The following ERICH5 variants were observed in gnomAD, a reference collection of about 807,000 sequenced individuals.
ERICH5 encodes glutamate rich 5.
ERICH5 carries 24 observed loss-of-function variants against 28.0 expected under a neutral mutation model. The ratio of observed to expected loss-of-function variants is 0.86; its 90% CI spans 0.62 to 1.21. ERICH5 has a LOEUF of 1.21. Ranked by LOEUF, ERICH5 falls within the 50% of genes most tolerant of loss-of-function variation. The pLI is 0.00. For synonymous variants in ERICH5, 163 were observed against 157.6 expected (o/e 1.03, Z -0.25); for missense variants, 421 against 441.2 (o/e 0.95, Z 0.41).
rs145877844 is a variant in ERICH5 at position 98,080,547 on chromosome 8, T to C, written c.59-8529T>C. Among the ~76,000 whole-genome samples the C allele has an allele frequency of 9.5e-3, 1,446 of 152,294 alleles. 21 individuals carry two copies. The highest frequency in any genetic ancestry group is 0.033 in the African/African-American group (1,370 of 41,548). ...TCTGAGAGATGGTTCAAAACAACTA[T>C]TTGTTTTCCAATCTTTCATTTCTTC... is the stretch of plus-strand genomic sequence containing the variant. On this transcript the variant is annotated intron_variant, in intron 1 of 2. Transcript: ENST00000318528.
At chr8:98,079,664 C>T (rs146533636) in intron 1 of ERICH5, among the ~76,000 whole-genome samples, 11 of 152,256 alleles carry the variant, frequency 7.2e-5, no homozygotes, top group Non-Finnish European at 1.3e-4. Flanking sequence ...CTCGGCCTCC[C>T]GAGTAGCTGG....
intron 1 of ERICH5, among the ~76,000 whole-genome samples, chr8:98,070,484 C>G (rs1056210533): frequency 1.3e-5 from 2 of 150,870 alleles, no homozygotes; most frequent in Non-Finnish European, 3.0e-5. Flanking sequence ...TGGAGAAACC[C>G]CATCTCTACT....
At chr8:98,070,660 CAA>C (rs769042472) in intron 1 of ERICH5, among the ~76,000 whole-genome samples, 8,045 of 38,638 alleles carry the variant, frequency 0.21, 203 homozygotes, top group African/African-American at 0.31. Flanking sequence ...AACTGCATCT[CAA>C]AAAAAAAAAA....
At chr8:98,075,624 C>T (rs559245237) in intron 1 of ERICH5, among the ~76,000 whole-genome samples, 1 of 151,096 alleles carries the variant, frequency 6.6e-6, no homozygotes, top group African/African-American at 2.5e-5. Context: ...CTGGGTCTCC[C>T]CAGTGCTCTC....
chr8:98,081,868 C>T (rs1478131976), intron 1 of ERICH5, among the ~76,000 whole-genome samples: 2 of 151,570 alleles, frequency 1.3e-5, no homozygotes, highest in South Asian at 2.1e-4. Flanking sequence ...GCGGAGGTTG[C>T]AGTGAGCTGA....
At chr8:98,088,871 G>A (rs1415880904) in intron 1 of ERICH5, among the ~76,000 whole-genome samples, 1 of 152,182 alleles carries the variant, frequency 6.6e-6, no homozygotes, top group Non-Finnish European at 1.5e-5. Flanking sequence ...CAGCGCTTAA[G>A]ATTAAATGTT....
At chr8:98,085,136 CTTTTTTTTTTTTTTTTTTTTTTTTTT>C (rs760470751) in intron 1 of ERICH5, among the ~76,000 whole-genome samples, 1 of 57,318 alleles carries the variant, frequency 1.7e-5, no homozygotes, top group Admixed American at 2.9e-4. Context: ...GTTCCACAGC[CTTTTTTTTTTTTTTTTTTTTTTTTTT>C]TTTTTTTTTT....
chr8:98,076,343 C>T (rs561690487), intron 1 of ERICH5, among the ~76,000 whole-genome samples: 21 of 151,886 alleles, frequency 1.4e-4, no homozygotes, highest in African/African-American at 4.6e-4. Flanking sequence ...CATGAGCCAC[C>T]GTGCCCAGCC....
At chr8:98,071,495 T>C (rs1371098278) in intron 1 of ERICH5, among the ~76,000 whole-genome samples, 3 of 152,158 alleles carry the variant, frequency 2.0e-5, no homozygotes, top group Admixed American at 1.3e-4. Context: ...TTTTCTTTTT[T>C]AGAGACAGGG....
At chr8:98,071,178 G>A (rs1348218682) in intron 1 of ERICH5, among the ~76,000 whole-genome samples, 1 of 152,144 alleles carries the variant, frequency 6.6e-6, no homozygotes, top group African/African-American at 2.4e-5. Flanking sequence ...TCGGGAAGCC[G>A]AGGCAGGCGA....
Position 98,089,675 on chromosome 8 carries a change from A to G in ERICH5, c.658A>G (p.Thr220Ala). 1.9e-6 allele frequency: 3 copies of G among 1,614,184 alleles called. No individual in the cohort carries two copies. The African/African-American group carries it at 4.0e-5, about 22-fold the overall frequency. ...GGATGAGCAGGCCCCGCTTCTAGAA[A>G]CAATTTCCAAAGAGAATGAATCTCC... is the stretch of plus-strand genomic sequence containing the variant. ...GKDEQAPLLE[T>A]ISKENESPEI... Residue 220 changes from threonine (T) to alanine (A), a missense_variant, in exon 2 of 3, where the codon ACA (threonine) becomes GCA (alanine). Transcript: ENST00000318528.
At chr8:98,088,080 A>T (rs940940640) in intron 1 of ERICH5, among the ~76,000 whole-genome samples, 10 of 151,038 alleles carry the variant, frequency 6.6e-5, no homozygotes, top group Non-Finnish European at 8.9e-5. Context: ...AAACAAAAAT[A>T]AAAAAATGGA....
At chr8:98,078,322 C>T (rs1446281085) in intron 1 of ERICH5, among the ~76,000 whole-genome samples, 2 of 152,188 alleles carry the variant, frequency 1.3e-5, no homozygotes, top group Non-Finnish European at 2.9e-5. Context: ...GTGGACTACT[C>T]CTCTGGGGTT....
rs1357071069 is a variant in ERICH5 at position 98,070,063 on chromosome 8, A to G, written c.58+5336A>G. 2.0e-5 allele frequency among the ~76,000 whole-genome samples: 3 copies of G among 152,138 alleles called. 1 individual carries two copies. The highest frequency in any genetic ancestry group is 2.9e-5 in the Non-Finnish European group (2 of 68,028). ...CAGATAAGTCACTTGCCCTGGTCTC[A>G]GAGCTAGTAGGTCTAGTAAGCCTAC... On this transcript the variant is annotated intron_variant, in intron 1 of 2. Transcript: ENST00000318528.
At chr8:98,082,560 G>A (rs1290871348) in intron 1 of ERICH5, among the ~76,000 whole-genome samples, 1 of 151,170 alleles carries the variant, frequency 6.6e-6, no homozygotes, top group South Asian at 2.1e-4. Context: ...CAGGGGACTC[G>A]CTTGAACCTG....
At chr8:98,088,376 G>C (rs959025780) in intron 1 of ERICH5, among the ~76,000 whole-genome samples, 1 of 152,162 alleles carries the variant, frequency 6.6e-6, no homozygotes, top group Admixed American at 6.6e-5. Flanking sequence ...AAGATCATTG[G>C]GAGCTAAGTT....
intron 2 of ERICH5, among the ~76,000 whole-genome samples, chr8:98,091,591 C>T (rs528887479): frequency 6.6e-6 from 1 of 152,314 alleles, no homozygotes; most frequent in East Asian, 1.9e-4. Flanking sequence ...ACAGCCTTGT[C>T]AAAAGAGGAA....
rs1808801785 is a variant in ERICH5, at chr8:98,064,821, C to G, written c.58+94C>G. ...CAAAGGGTGTGTCCCGTGGCCACCCCGCCTGGCAGGAGCCGGGCCTTGTCC... is the reference window on the plus strand; with the variant it reads ...CAAAGGGTGTGTCCCGTGGCCACCCGGCCTGGCAGGAGCCGGGCCTTGTCC... On this transcript the variant is annotated intron_variant, in intron 1 of 2. Coordinates refer to ENST00000318528, the MANE Select transcript of ERICH5 (RefSeq NM_173549.3). 3 of 983,830 alleles carry G rather than the reference C, an allele frequency of 3.0e-6. No individual in the cohort carries two copies. In the African/African-American group the frequency reaches 5.0e-5, roughly 16 times the overall value. 60.9% of individuals were successfully genotyped at this position (983,830 alleles called of 1,614,324 possible). A position where few individuals can be genotyped will look rare whatever the true frequency, so the allele number is the denominator to read the frequency against.
rs537679457 is a variant in ERICH5, at chr8:98,090,601, A to G, written c.1012+572A>G. ...AACATAGTGAGACCTTGTTCTCCAG[A>G]AAAAAAAAAAAAAAGAAAGAAAAAA... is the stretch of plus-strand genomic sequence containing the variant. On this transcript the variant is annotated intron_variant, in intron 2 of 2. Coordinates refer to ENST00000318528, the MANE Select transcript of ERICH5 (RefSeq NM_173549.3). Among the ~76,000 whole-genome samples, 108 of 142,762 alleles carry G rather than the reference A, an allele frequency of 7.6e-4. 1 individual carries two copies. The highest frequency in any genetic ancestry group is 2.2e-3 in the Admixed American group (32 of 14,260). 93.7% of individuals were successfully genotyped at this position (142,762 alleles called of 152,430 possible). A position where few individuals can be genotyped will look rare whatever the true frequency, so the allele number is the denominator to read the frequency against.
Sources: allele counts gnomAD v4.1 joint callset (sites outside exome capture counted in the v4.1 genomes callset), GRCh38; gene constraint gnomAD v4.1.1; transcripts MANE v1.5; gene names NCBI Gene and HGNC (gene_info 2026-07-23, HGNC 2026-07-21).